Variants in DIP2C observed in about 807,000 individuals in gnomAD.
DIP2C encodes disco-interacting protein 2 homolog C.
A neutral mutation model predicts 192.4 loss-of-function variants in DIP2C; 33 were observed. The observed-to-expected ratio is 0.17, with a 90% CI of 0.13 to 0.23. The LOEUF is 0.23. Among genes scored for constraint, DIP2C ranks in the 10% least tolerant of loss-of-function variants. The pLI, the probability that DIP2C is intolerant of heterozygous loss-of-function variation, is 1.00. For synonymous variants in DIP2C, 979 were observed against 864.1 expected (o/e 1.13, Z -2.33); for missense variants, 1,537 against 2,110.1 (o/e 0.73, Z 5.32).
At chr10:356,255 C>T (rs1238839936) in intron 24 of DIP2C, 171 bp downstream of exon 24, 6 of 749,142 alleles carry the variant, frequency 8.0e-6, no homozygotes, top group Middle Eastern at 2.3e-4. Flanking sequence ...CAAATGGTTA[C>T]GTTTAAAAAC....
chr10:319,043 G>C (rs1001915290), intron 31 of DIP2C, among the ~76,000 whole-genome samples: 1 of 151,958 alleles, frequency 6.6e-6, no homozygotes, highest in African/African-American at 2.4e-5. Context: ...CTCCCGAGTA[G>C]CTGGGATTAC....
chr10:684,253 G>A (rs1195336661), intron 1 of DIP2C, among the ~76,000 whole-genome samples: 4 of 152,206 alleles, frequency 2.6e-5, no homozygotes, highest in Non-Finnish European at 5.9e-5. Flanking sequence ...CATCTTGCAC[G>A]CAACCAGTAA....
intron 31 of DIP2C, among the ~76,000 whole-genome samples, chr10:319,512 G>A (rs979044354): frequency 2.0e-5 from 3 of 152,084 alleles, no homozygotes; most frequent in Non-Finnish European, 4.4e-5. Flanking sequence ...CAATTTTTCT[G>A]TTACAGTGAA....
At chr10:484,893 C>G (rs755507891) in intron 2 of DIP2C, 6 of 1,611,772 alleles carry the variant, frequency 3.7e-6, no homozygotes, top group Non-Finnish European at 5.1e-6. Flanking sequence ...ATGTTCTCCT[C>G]GGCGCTCCTT....
intron 1 of DIP2C, among the ~76,000 whole-genome samples, chr10:555,335 A>C (rs1848795379): frequency 6.6e-6 from 1 of 151,924 alleles, no homozygotes; most frequent in Non-Finnish European, 1.5e-5. Flanking sequence ...TTCCTTCATC[A>C]CCAATTTTTC....
At chr10:613,207 C>T (rs1223040911) in intron 1 of DIP2C, among the ~76,000 whole-genome samples, 10 of 152,198 alleles carry the variant, frequency 6.6e-5, no homozygotes, top group Non-Finnish European at 2.9e-5. Flanking sequence ...AATTTCATCC[C>T]ATTAGAACTT....
intron 1 of DIP2C, among the ~76,000 whole-genome samples, chr10:551,692 G>A (rs1419832651): frequency 6.6e-6 from 1 of 152,224 alleles, no homozygotes; most frequent in Non-Finnish European, 1.5e-5. Context: ...GCCCTGGCTT[G>A]GGAAGGGTCC....
At chr10:459,938 G>A (rs1001058762) in intron 3 of DIP2C, among the ~76,000 whole-genome samples, 7 of 144,518 alleles carry the variant, frequency 4.8e-5, no homozygotes, top group Admixed American at 4.2e-4. Flanking sequence ...CCAACCACCT[G>A]CTGCACGTGA....
At position 283,454 on chromosome 10, in the gene DIP2C, C is replaced by A; in HGVS notation, c.4120-8G>T. ...GGCACTGTGAACCCAAATCTGCAAA[C>A]GGAGGGAAATGTCACTGTGGATGAC... On this transcript the variant is annotated splice_polypyrimidine_tract_variant and splice_region_variant and intron_variant, in intron 34 of 36. Coordinates refer to ENST00000280886, the MANE Select transcript of DIP2C (RefSeq NM_014974.3). 1 of 1,613,656 alleles carries A rather than the reference C, an allele frequency of 6.2e-7. No homozygotes were observed. Among genetic ancestry groups the A allele is most frequent in the Non-Finnish European group, 8.5e-7 (1 of 1,179,754 alleles).
chr10:595,964 G>A (rs566182952), intron 1 of DIP2C, among the ~76,000 whole-genome samples: 1 of 152,206 alleles, frequency 6.6e-6, no homozygotes, highest in South Asian at 2.1e-4. Flanking sequence ...GACAAAGAGT[G>A]GACACTGCTA....
At chr10:462,918 CAT>C (rs1235503304) in intron 3 of DIP2C, among the ~76,000 whole-genome samples, 1 of 152,138 alleles carries the variant, frequency 6.6e-6, no homozygotes, top group Non-Finnish European at 1.5e-5. Context: ...ACAAAAACCA[CAT>C]GATTATCCCA....
chr10:589,375 T>C (rs1851272739), intron 1 of DIP2C, among the ~76,000 whole-genome samples: 1 of 152,298 alleles, frequency 6.6e-6, no homozygotes, highest in African/African-American at 2.4e-5. Flanking sequence ...TATGGATCAT[T>C]GGTTATCATG....
intron 1 of DIP2C, chr10:650,314 G>T: frequency 1.4e-6 from 1 of 716,644 alleles, no homozygotes. Context: ...GGTGCCCGGG[G>T]CTGTGGACCA....
rs534147376 is a variant in DIP2C at position 598,549 on chromosome 10, C to A, written c.85+90945G>T. Among the ~76,000 whole-genome samples the A allele has an allele frequency of 3.0e-4, 45 of 151,932 alleles. 1 individual carries two copies. Among genetic ancestry groups the A allele is most frequent in the Admixed American group, 2.7e-3 (41 of 15,264 alleles). ...AGAGGCCCCAGCCTGGCTCCTCCCC[C>A]CACAGCTCCTCTTCCCTCTGCTCCT... On this transcript the variant is annotated intron_variant, in intron 1 of 36. Coordinates refer to ENST00000280886, the MANE Select transcript of DIP2C (RefSeq NM_014974.3).
chr10:555,634 A>T (rs1006398759), intron 1 of DIP2C, among the ~76,000 whole-genome samples: 2 of 152,128 alleles, frequency 1.3e-5, no homozygotes, highest in Non-Finnish European at 2.9e-5. Flanking sequence ...GTATCTGGGG[A>T]CCAGCCACGT....
chr10:520,470 G>A (rs1051230681), intron 1 of DIP2C, among the ~76,000 whole-genome samples: 2 of 152,208 alleles, frequency 1.3e-5, no homozygotes, highest in African/African-American at 4.8e-5. Context: ...TGGCTTTCTG[G>A]GAGTAACAAC....
Position 636,216 on chromosome 10 carries a change from G to A in DIP2C, c.85+53278C>T, listed in dbSNP as rs984198056. On this transcript the variant is annotated intron_variant, in intron 1 of 36. Transcript: ENST00000280886. This position sits in a 1 kb window ranked among gnomAD's most constrained non-coding sequence, Gnocchi z 4.6. The stretch of plus-strand genomic sequence containing the variant: ...AACACCAACGGCTCGTCGGCTCGTC[G>A]GCTCTTCCCGGCTGAACCCAAGGGT... 5.3e-5 allele frequency among the ~76,000 whole-genome samples: 8 copies of A among 152,124 alleles called. No homozygotes were observed. Among genetic ancestry groups the A allele is most frequent in the African/African-American group, 1.4e-4 (6 of 41,432 alleles).
chr10:325,459 TAA>T (rs1459257093), intron 31 of DIP2C, among the ~76,000 whole-genome samples: 2 of 152,298 alleles, frequency 1.3e-5, no homozygotes, highest in East Asian at 3.9e-4. Flanking sequence ...CTTGACATTT[TAA>T]GAGACAAAGC....
At chr10:463,871 C>G (rs920653533) in intron 3 of DIP2C, among the ~76,000 whole-genome samples, 2 of 152,100 alleles carry the variant, frequency 1.3e-5, no homozygotes, top group African/African-American at 4.8e-5. Flanking sequence ...TTTGACAAAC[C>G]TGACAAAAAG....
Sources: allele counts gnomAD v4.1 joint callset (sites outside exome capture counted in the v4.1 genomes callset), GRCh38; gene constraint gnomAD v4.1.1; non-coding constraint Gnocchi (gnomAD v3.1); transcripts MANE v1.5; gene names NCBI Gene and HGNC (gene_info 2026-07-23, HGNC 2026-07-21).